The following ESRRG variants were observed in gnomAD, a reference collection of about 807,000 sequenced individuals.
ESRRG encodes the protein estrogen-related receptor gamma.
In ESRRG, 13 loss-of-function variants were observed where a neutral mutation model predicts 44.0. The ratio of observed to expected loss-of-function variants is 0.30; its 90% CI spans 0.19 to 0.47. The LOEUF (loss-of-function observed/expected upper bound fraction) is 0.47. Ranked by LOEUF, ESRRG falls within the 20% of genes least tolerant of loss-of-function variation. ESRRG has a pLI of 1.00. For synonymous variants in ESRRG, 215 were observed against 214.6 expected (o/e 1.00, Z -0.02); for missense variants, 395 against 580.6 (o/e 0.68, Z 3.29).
chr1:217,046,449 G>A (rs1178772515), intron 1 of ESRRG, among the ~76,000 whole-genome samples: 1 of 152,120 alleles, frequency 6.6e-6, no homozygotes, highest in Non-Finnish European at 1.5e-5. Flanking sequence ...CCCACCTTCA[G>A]ATAACATTCA....
At chr1:216,802,625 G>A (rs2094658946) in intron 2 of ESRRG, among the ~76,000 whole-genome samples, 1 of 152,016 alleles carries the variant, frequency 6.6e-6, no homozygotes, top group Admixed American at 6.6e-5. Context: ...CTGAGCATGG[G>A]GCCCTGTGTG....
At chr1:216,590,148 A>G (rs2057412204) in intron 3 of ESRRG, among the ~76,000 whole-genome samples, 1 of 151,994 alleles carries the variant, frequency 6.6e-6, no homozygotes, top group African/African-American at 2.4e-5. Flanking sequence ...TATCTATGCC[A>G]AAACCCTCTA....
chr1:217,108,049 A>C (rs532926446), intron 1 of ESRRG, among the ~76,000 whole-genome samples: 1 of 152,222 alleles, frequency 6.6e-6, no homozygotes, highest in East Asian at 1.9e-4. Context: ...TACCAAATTA[A>C]AAACAAATAC....
At chr1:216,692,271 G>A (rs2079183355) in intron 1 of ESRRG, among the ~76,000 whole-genome samples, 1 of 151,152 alleles carries the variant, frequency 6.6e-6, no homozygotes, top group African/African-American at 2.4e-5. Flanking sequence ...GGAAAACAGT[G>A]ATGTGGATAC....
At chr1:216,692,438 C>T (rs1359255620) in intron 1 of ESRRG, among the ~76,000 whole-genome samples, 1 of 151,658 alleles carries the variant, frequency 6.6e-6, no homozygotes, top group Non-Finnish European at 1.5e-5. Context: ...AAAAAAAGTA[C>T]AACTGTACAT....
At chr1:216,732,522 G>A (rs573933644) in intron 2 of ESRRG, among the ~76,000 whole-genome samples, 112 of 151,876 alleles carry the variant, frequency 7.4e-4, no homozygotes, top group Non-Finnish European at 1.3e-3. Context: ...GACTACAGGT[G>A]CCCACCACCA....
intron 6 of ESRRG, among the ~76,000 whole-genome samples, chr1:216,512,237 G>A (rs1198398424): frequency 1.3e-5 from 2 of 152,158 alleles, no homozygotes; most frequent in Non-Finnish European, 2.9e-5. Flanking sequence ...GTGCCATAGG[G>A]ATAGAACCTG....
intron 3 of ESRRG, among the ~76,000 whole-genome samples, chr1:216,571,787 T>C (rs1182104339): frequency 6.6e-6 from 1 of 152,192 alleles, no homozygotes; most frequent in Non-Finnish European, 1.5e-5. Context: ...AATTAGATAA[T>C]GCATTCTTTT....
intron 3 of ESRRG, among the ~76,000 whole-genome samples, chr1:216,571,557 T>C (rs965237824): frequency 6.6e-6 from 1 of 152,208 alleles, no homozygotes; most frequent in Admixed American, 6.5e-5. Context: ...GAAAAATTCA[T>C]ATTACCTATT....
chr1:216,847,485 G>T (rs539005699), intron 2 of ESRRG, among the ~76,000 whole-genome samples: 1 of 152,054 alleles, frequency 6.6e-6, no homozygotes, highest in Non-Finnish European at 1.5e-5. Context: ...TTCCTCGGGG[G>T]AGTATGAACG....
intron 5 of ESRRG, among the ~76,000 whole-genome samples, chr1:216,547,066 A>C (rs2054738131): frequency 1.3e-5 from 2 of 151,908 alleles, no homozygotes; most frequent in African/African-American, 2.4e-5. Context: ...CATCTCTGCT[A>C]TCTTACTAGC....
chr1:216,703,734 A>AT (rs561358248), intron 1 of ESRRG, among the ~76,000 whole-genome samples: 306 of 150,616 alleles, frequency 2.0e-3, no homozygotes, highest in African/African-American at 7.2e-3. Flanking sequence ...CAGGAGTGGG[A>AT]TTTTTGTTGA....
At chr1:217,120,570 T>G (rs2092805911) in intron 1 of ESRRG, among the ~76,000 whole-genome samples, 1 of 152,170 alleles carries the variant, frequency 6.6e-6, no homozygotes, top group African/African-American at 2.4e-5. Flanking sequence ...ATGACGTTCT[T>G]CAGCGTCTAG....
chr1:216,902,434 A>G (rs1199046930), intron 2 of ESRRG, among the ~76,000 whole-genome samples: 1 of 151,954 alleles, frequency 6.6e-6, no homozygotes, highest in Non-Finnish European at 1.5e-5. Context: ...GGTTGCAGTG[A>G]GCCAGATCGC....
chr1:216,571,355 A>G (rs577787988), intron 3 of ESRRG, among the ~76,000 whole-genome samples: 29 of 152,276 alleles, frequency 1.9e-4, no homozygotes, highest in African/African-American at 6.7e-4. Context: ...AGGTAGGAGA[A>G]TCGCTTAAAC....
chr1:217,134,822 G>C (rs1449242410), intron 1 of ESRRG, among the ~76,000 whole-genome samples: 1 of 152,226 alleles, frequency 6.6e-6, no homozygotes, highest in Non-Finnish European at 1.5e-5. Context: ...TGCGGCTCTG[G>C]CATTTAGAAA....
At chr1:217,025,133 C>T (rs2080984120) in intron 1 of ESRRG, among the ~76,000 whole-genome samples, 1 of 152,124 alleles carries the variant, frequency 6.6e-6, no homozygotes, top group African/African-American at 2.4e-5. Flanking sequence ...CTCGATAAGT[C>T]CCAGAGTCTA....
intron 2 of ESRRG, among the ~76,000 whole-genome samples, chr1:216,926,889 C>T (rs4335430): frequency 0.17 from 25,285 of 152,094 alleles, 2,960 homozygotes; most frequent in East Asian, 0.46. Flanking sequence ...ATGCTGAATG[C>T]AGCATGCTGT....
intron 1 of ESRRG, among the ~76,000 whole-genome samples, chr1:216,942,753 TG>T (rs2065456715): frequency 6.6e-6 from 1 of 152,198 alleles, no homozygotes; most frequent in African/African-American, 2.4e-5. Flanking sequence ...CAATTTTTAA[TG>T]GGGCCATTTG....
Sources: gnomAD v4.1 joint callset for allele counts (sites outside exome capture counted in the v4.1 genomes callset) on GRCh38, gnomAD v4.1.1 for gene constraint, MANE v1.5 for transcripts, NCBI Gene and HGNC (gene_info 2026-07-23, HGNC 2026-07-21) for gene names.